ZBTB20: variants seen among roughly 807,000 people sequenced by gnomAD.
ZBTB20 encodes zinc finger and BTB domain-containing protein 20.
A neutral mutation model predicts 56.9 loss-of-function variants in ZBTB20; 9 were observed. The ratio of observed to expected loss-of-function variants is 0.16; its 90% CI spans 0.10 to 0.28. The LOEUF (loss-of-function observed/expected upper bound fraction) is 0.28. ZBTB20 is among the 10% of genes least tolerant of loss of function. The pLI, the probability that ZBTB20 is intolerant of heterozygous loss-of-function variation, is 1.00. For synonymous variants in ZBTB20, 417 were observed against 420.7 expected (o/e 0.99, Z 0.11); for missense variants, 655 against 1,003.0 (o/e 0.65, Z 4.69).
intron 6 of ZBTB20, among the ~76,000 whole-genome samples, chr3:114,655,314 G>A (rs373158465): frequency 2.4e-4 from 32 of 135,888 alleles, no homozygotes; most frequent in South Asian, 7.3e-4. Flanking sequence ...CTGCAGTGGC[G>A]CAATCTCGGC....
chr3:114,507,000 C>T (rs901960536), intron 6 of ZBTB20, among the ~76,000 whole-genome samples: 15 of 152,088 alleles, frequency 9.9e-5, no homozygotes, highest in Non-Finnish European at 1.5e-4. Context: ...AAATGCTGTC[C>T]GTCTATTTTA....
At chr3:114,812,333 G>C (rs2072595945) in intron 4 of ZBTB20, among the ~76,000 whole-genome samples, 1 of 152,090 alleles carries the variant, frequency 6.6e-6, no homozygotes, top group Non-Finnish European at 1.5e-5. Flanking sequence ...AGATTAGCTG[G>C]ATACAGAGTG....
At chr3:114,924,783 C>T (rs2076088723) in intron 3 of ZBTB20, among the ~76,000 whole-genome samples, 1 of 151,848 alleles carries the variant, frequency 6.6e-6, no homozygotes, top group Non-Finnish European at 1.5e-5. Flanking sequence ...TAAAATTGTA[C>T]TTCCGGTTTT....
chr3:114,621,803 G>A (rs2058339115), intron 6 of ZBTB20, among the ~76,000 whole-genome samples: 1 of 152,048 alleles, frequency 6.6e-6, no homozygotes. Context: ...TTATGATCAA[G>A]GTATTGAAAA....
At chr3:114,394,489 C>T (rs2108654557) in intron 7 of ZBTB20, among the ~76,000 whole-genome samples, 1 of 152,318 alleles carries the variant, frequency 6.6e-6, no homozygotes, top group Admixed American at 6.5e-5. Context: ...GGAGAAGGAA[C>T]TATTTCAGAA....
In ZBTB20 at chr3:114,413,965, A is replaced by G. The variant is rs1259438725; in HGVS notation, c.-254-24860T>C. 3.3e-5 allele frequency among the ~76,000 whole-genome samples: 5 copies of G among 152,124 alleles called. No homozygotes were observed. The South Asian group carries it at 6.2e-4, about 19-fold the overall frequency. On this transcript the variant is annotated intron_variant, in intron 7 of 11. Transcript: ENST00000675478. ...CTTAAGATGACTAATTTAACCTGTT[A>G]AAGCGATATGAAGTCTTGCTCTTCA...
intron 1 of ZBTB20, among the ~76,000 whole-genome samples, chr3:115,113,379 T>C (rs1252358644): frequency 6.6e-6 from 1 of 152,228 alleles, no homozygotes; most frequent in East Asian, 1.9e-4. Flanking sequence ...TGGTAGAAGT[T>C]AAAAACTACA....
chr3:114,856,885 G>T (rs767578052), intron 4 of ZBTB20, among the ~76,000 whole-genome samples: 10 of 152,082 alleles, frequency 6.6e-5, no homozygotes, highest in Non-Finnish European at 5.9e-5. Context: ...TTATGAGTCA[G>T]CACCATCCAC....
intron 2 of ZBTB20, among the ~76,000 whole-genome samples, chr3:115,001,160 T>C (rs1320347836): frequency 1.3e-5 from 2 of 151,140 alleles, no homozygotes; most frequent in Admixed American, 6.6e-5. Context: ...ACTTGTATTG[T>C]AGGCTTCTGA....
intron 5 of ZBTB20, among the ~76,000 whole-genome samples, chr3:114,738,800 T>C (rs953732772): frequency 1.3e-5 from 2 of 152,128 alleles, no homozygotes; most frequent in African/African-American, 4.8e-5. Flanking sequence ...GCAAACGTAA[T>C]AGGAATAAAC....
At chr3:115,010,178 T>G (rs1212368293) in intron 2 of ZBTB20, among the ~76,000 whole-genome samples, 1 of 151,938 alleles carries the variant, frequency 6.6e-6, no homozygotes. Context: ...TCTGGACCCA[T>G]GTGGAACCTG....
chr3:114,781,765 T>G (rs1318647592), intron 5 of ZBTB20, among the ~76,000 whole-genome samples: 1 of 152,102 alleles, frequency 6.6e-6, no homozygotes, highest in East Asian at 1.9e-4. Context: ...GGGGGCGGTT[T>G]CCCCCATACT....
intron 7 of ZBTB20, among the ~76,000 whole-genome samples, chr3:114,486,747 G>A (rs1404754206): frequency 2.0e-5 from 3 of 152,130 alleles, no homozygotes; most frequent in African/African-American, 4.8e-5. Flanking sequence ...TTAAATTAGA[G>A]GTGAGAATTA....
Position 114,330,852 on chromosome 3 carries a change from A to T in ZBTB20, c.*8153T>A, listed in dbSNP as rs567159046. 6.6e-6 allele frequency: 1 copy of T among 152,332 alleles called. No homozygotes were observed. Among genetic ancestry groups the T allele is most frequent in the Middle Eastern group, 3.4e-3 (1 of 294 alleles). 9.4% of individuals were successfully genotyped at this position (152,332 alleles called of 1,614,324 possible). A position where few individuals can be genotyped will look rare whatever the true frequency, so the allele number is the denominator to read the frequency against. On this transcript the variant is annotated 3_prime_UTR_variant, in exon 12 of 12. Transcript: ENST00000675478. ...CCAGGCCACCAAACCCTCAGAGTCC[A>T]TTCATTCAGTATATTATACTAGAGT...
chr3:114,776,777 C>T (rs1427738177), intron 5 of ZBTB20, among the ~76,000 whole-genome samples: 1 of 152,158 alleles, frequency 6.6e-6, no homozygotes, highest in East Asian at 1.9e-4. Context: ...AGACAAAATT[C>T]TCTGTGGAGA....
At chr3:114,478,189 C>T (rs1022260130) in intron 7 of ZBTB20, among the ~76,000 whole-genome samples, 5 of 152,072 alleles carry the variant, frequency 3.3e-5, no homozygotes, top group African/African-American at 1.2e-4. Context: ...TGGTCTCGAA[C>T]TCCTGACCTC....
chr3:114,611,930 C>A (rs370768944), intron 6 of ZBTB20, among the ~76,000 whole-genome samples: 1 of 152,154 alleles, frequency 6.6e-6, no homozygotes, highest in Non-Finnish European at 1.5e-5. Flanking sequence ...AGCTATTGTT[C>A]TCATCACCCA....
intron 4 of ZBTB20, among the ~76,000 whole-genome samples, chr3:114,822,256 A>G (rs1267448800): frequency 2.0e-5 from 3 of 152,130 alleles, no homozygotes; most frequent in Admixed American, 2.0e-4. Flanking sequence ...TGAGATATAA[A>G]TAGTTTCTGG....
intron 5 of ZBTB20, among the ~76,000 whole-genome samples, chr3:114,709,979 A>G (rs778473793): frequency 5.9e-5 from 9 of 152,088 alleles, no homozygotes; most frequent in Non-Finnish European, 1.3e-4. Context: ...TAATTCCAAC[A>G]ATGGGTTAGA....
Sources: allele counts gnomAD v4.1 joint callset (sites outside exome capture counted in the v4.1 genomes callset), GRCh38; gene constraint gnomAD v4.1.1; transcripts MANE v1.5; gene names NCBI Gene and HGNC (gene_info 2026-07-23, HGNC 2026-07-21).